ZNF292: variants seen among roughly 807,000 people sequenced by gnomAD.
ZNF292 encodes the protein 16 zinc-finger domain protein.
Under a neutral mutation model 217.9 loss-of-function variants are expected in ZNF292, and 26 were observed. That is an observed-to-expected ratio of 0.12 (90% confidence interval 0.09 to 0.17). ZNF292 has a LOEUF of 0.17. Among genes scored for constraint, ZNF292 ranks in the 10% least tolerant of loss-of-function variants. ZNF292 has a pLI of 1.00. For missense variants in ZNF292, 2,904 were observed against 3,175.2 expected (o/e 0.91, Z 2.05); for synonymous variants, 1,257 against 1,124.1 (o/e 1.12, Z -2.37).
In ZNF292 at chr6:87,243,631, T is replaced by C; in HGVS notation, c.878+20T>C. 6.9e-7 allele frequency: 1 copy of C among 1,448,228 alleles called. No homozygotes were observed. The highest frequency in any genetic ancestry group is 9.1e-7 in the Non-Finnish European group (1 of 1,097,172). 89.7% of individuals were successfully genotyped at this position (1,448,228 alleles called of 1,614,324 possible). A position where few individuals can be genotyped will look rare whatever the true frequency, so the allele number is the denominator to read the frequency against. On this transcript the variant is annotated intron_variant, in intron 6 of 7. Transcript: ENST00000369577. ...CGCTTGGTGAGTTGATCTTTTTTTT[T>C]TTAAAGAAATATTTGTTAAATAAGA... is the stretch of plus-strand genomic sequence containing the variant.
intron 1 of ZNF292, among the ~76,000 whole-genome samples, chr6:87,156,013 A>G (rs1341993146): frequency 1.3e-5 from 2 of 152,114 alleles, no homozygotes; most frequent in Non-Finnish European, 1.5e-5. Flanking sequence ...CCTTCCCTGA[A>G]CTCGGGACTG....
chr6:87,178,159 G>A (rs938005066), intron 1 of ZNF292, among the ~76,000 whole-genome samples: 4 of 151,950 alleles, frequency 2.6e-5, no homozygotes, highest in Admixed American at 2.0e-4. Context: ...ATTTAATTAC[G>A]TGTTCCTCAT....
chr6:87,196,845 A>G (rs1771965346), intron 1 of ZNF292, among the ~76,000 whole-genome samples: 1 of 152,268 alleles, frequency 6.6e-6, no homozygotes, highest in South Asian at 2.1e-4. Flanking sequence ...CCCAGAAAGC[A>G]TAAAAAGACG....
At chr6:87,253,687 A>C (rs913697314) in intron 7 of ZNF292, among the ~76,000 whole-genome samples, 3 of 152,142 alleles carry the variant, frequency 2.0e-5, no homozygotes, top group African/African-American at 7.2e-5. Context: ...TTGCCCTACA[A>C]GTTTAAGCTT....
chr6:87,252,697 C>CTT (rs1399858257), intron 7 of ZNF292, among the ~76,000 whole-genome samples: 1 of 152,020 alleles, frequency 6.6e-6, no homozygotes, highest in Non-Finnish European at 1.5e-5. Flanking sequence ...TTTTTTCTTT[C>CTT]TTGCATATCG....
chr6:87,158,488 C>T (rs995853595), intron 1 of ZNF292, among the ~76,000 whole-genome samples: 1 of 152,028 alleles, frequency 6.6e-6, no homozygotes, highest in Non-Finnish European at 1.5e-5. Flanking sequence ...GGCCCCTTCT[C>T]TACAAAAAAT....
chr6:87,186,163 G>A (rs2127780563), intron 1 of ZNF292, among the ~76,000 whole-genome samples: 1 of 152,262 alleles, frequency 6.6e-6, no homozygotes, highest in South Asian at 2.1e-4. Context: ...GTTACCTATG[G>A]GCTGCCAGCC....
At chr6:87,178,634 C>A (rs1434083935) in intron 1 of ZNF292, among the ~76,000 whole-genome samples, 1 of 152,148 alleles carries the variant, frequency 6.6e-6, no homozygotes, top group Non-Finnish European at 1.5e-5. Flanking sequence ...GTCCTCAGCA[C>A]CTCTCTGAAA....
At chr6:87,158,822 T>G (rs1770629735) in intron 1 of ZNF292, among the ~76,000 whole-genome samples, 1 of 152,238 alleles carries the variant, frequency 6.6e-6, no homozygotes, top group South Asian at 2.1e-4. Flanking sequence ...GAGCTAGAAA[T>G]TATGTCTTAG....
At position 87,257,621 on chromosome 6, in the gene ZNF292, G is replaced by T; in HGVS notation, c.3992G>T (p.Ser1331Ile). The change falls in exon 8 of 8, where the codon AGT (serine) becomes ATT (isoleucine). Residue 1331 changes from serine (S) to isoleucine (I), a missense_variant. Transcript: ENST00000369577. ...CAAGTGAATGTTGCAAATAACTTCA[G>T]TAGCACCAATGCCCAACAGTCTGCA... ...PSQVNVANNF[S>I]STNAQQSAPE... 1 of 1,608,134 alleles carries T rather than the reference G, an allele frequency of 6.2e-7. No individual in the cohort carries two copies.
intron 5 of ZNF292, among the ~76,000 whole-genome samples, chr6:87,238,991 G>A (rs1370261552): frequency 1.3e-5 from 2 of 152,250 alleles, no homozygotes; most frequent in African/African-American, 4.8e-5. Flanking sequence ...AGAGCACCAG[G>A]TTGGGGGTAA....
intron 5 of ZNF292, among the ~76,000 whole-genome samples, chr6:87,239,269 C>T (rs1036895123): frequency 1.3e-5 from 2 of 151,738 alleles, no homozygotes; most frequent in Non-Finnish European, 2.9e-5. Context: ...GGCAAAGGCA[C>T]CCCTCACCTC....
chr6:87,261,735 T>G lies in ZNF292; in HGVS notation c.8106T>G (p.Asn2702Lys), dbSNP rs1466630384. 1 of 1,613,158 alleles carries G rather than the reference T, an allele frequency of 6.2e-7. No individual in the cohort carries two copies. The highest frequency in any genetic ancestry group is 1.1e-5 in the South Asian group (1 of 91,064). Residue 2702 changes from asparagine to lysine, a missense_variant, in exon 8 of 8, where the codon AAT (asparagine) becomes AAG (lysine). Coordinates refer to ENST00000369577, the MANE Select transcript of ZNF292 (RefSeq NM_015021.3). ...TGAAAAAACTTGAAGTACATTCAAATGATCCAGATATGTCTGTTATGAAAG... is the reference window on the plus strand; with the variant it reads ...TGAAAAAACTTGAAGTACATTCAAAGGATCCAGATATGTCTGTTATGAAAG... The part of the protein sequence containing the change: ...VSLKKLEVHS[N>K]DPDMSVMKDI...
At chr6:87,192,545 C>G (rs915635122) in intron 1 of ZNF292, among the ~76,000 whole-genome samples, 3 of 152,122 alleles carry the variant, frequency 2.0e-5, no homozygotes, top group Admixed American at 2.0e-4. Flanking sequence ...ACCCAGACCC[C>G]TCTAGGAAAC....
intron 1 of ZNF292, among the ~76,000 whole-genome samples, chr6:87,192,920 A>G (rs988769247): frequency 7.2e-5 from 11 of 152,202 alleles, no homozygotes; most frequent in Non-Finnish European, 1.3e-4. Context: ...TTAATGGATA[A>G]GGAATAGATT....
At chr6:87,175,086 A>T (rs745429074) in intron 1 of ZNF292, among the ~76,000 whole-genome samples, 2 of 151,722 alleles carry the variant, frequency 1.3e-5, no homozygotes, top group Non-Finnish European at 2.9e-5. Context: ...ACTTTTCATC[A>T]CTTCTGTCTT....
At chr6:87,212,236 G>T (rs550971708) in intron 1 of ZNF292, among the ~76,000 whole-genome samples, 2 of 152,320 alleles carry the variant, frequency 1.3e-5, no homozygotes, top group Admixed American at 6.5e-5. Context: ...TGTCTCTGTG[G>T]AGTTGGGATG....
chr6:87,236,017 G>A (rs1465589956), intron 5 of ZNF292, among the ~76,000 whole-genome samples: 1 of 152,108 alleles, frequency 6.6e-6, no homozygotes, highest in Non-Finnish European at 1.5e-5. Flanking sequence ...TAATGTTTCT[G>A]TTATAAACAC....
intron 1 of ZNF292, among the ~76,000 whole-genome samples, chr6:87,157,144 T>C (rs952917749): frequency 6.6e-6 from 1 of 152,226 alleles, no homozygotes; most frequent in African/African-American, 2.4e-5. Context: ...GTATGCACTT[T>C]ATTGTCACAA....
Sources: allele counts gnomAD v4.1 joint callset (sites outside exome capture counted in the v4.1 genomes callset), GRCh38; gene constraint gnomAD v4.1.1; transcripts MANE v1.5; gene names NCBI Gene and HGNC (gene_info 2026-07-23, HGNC 2026-07-21).